The following LARGE1 variants were observed in gnomAD, a reference collection of about 807,000 sequenced individuals.
LARGE1 encodes the protein xylosyl- and glucuronyltransferase LARGE1.
Under a neutral mutation model 87.6 loss-of-function variants are expected in LARGE1, and 43 were observed. The observed-to-expected ratio is 0.49, with a 90% CI of 0.38 to 0.63. LARGE1 has a LOEUF of 0.63. Among genes scored for constraint, LARGE1 ranks in the 30% least tolerant of loss-of-function variants. The pLI, the probability that LARGE1 is intolerant of heterozygous loss-of-function variation, is 0.00. For missense variants in LARGE1, 802 were observed against 1,000.2 expected, an observed-to-expected ratio of 0.80 and a Z score of 2.67; for synonymous variants, 434 against 394.6, an observed-to-expected ratio of 1.10 and a Z score of -1.18.
In LARGE1 at chr22:33,658,285, A is replaced by T. The variant is rs191588832; in HGVS notation, c.107-7617T>A. Among the ~76,000 whole-genome samples the T allele has an allele frequency of 6.5e-4, 99 of 152,300 alleles. 1 individual carries two copies. The East Asian group carries it at 0.01, about 16-fold the overall frequency. ...TCTAGTTATCAGCATTTAAAAAAAA[A>T]TTTTAATTTAATTTTACGGTCCGGG... On this transcript the variant is annotated intron_variant, in intron 2 of 14. Coordinates refer to ENST00000397394, the MANE Select transcript of LARGE1 (RefSeq NM_133642.5).
exon 12 of LARGE1, chr22:33,163,519 C>T (rs1922109731): frequency 6.6e-6 from 1 of 152,212 alleles, no homozygotes; most frequent in Non-Finnish European, 1.5e-5. Context: ...TCTCTTTCCA[C>T]CCTTGTAGAA....
chr22:33,711,427 T>C (rs371738020), intron 2 of LARGE1, among the ~76,000 whole-genome samples: 91 of 152,276 alleles, frequency 6.0e-4, no homozygotes, highest in African/African-American at 1.9e-3. Flanking sequence ...TCCTAAAATA[T>C]TGAATAGACC....
At chr22:33,591,008 C>T (rs377055732) in intron 5 of LARGE1, among the ~76,000 whole-genome samples, 4 of 152,134 alleles carry the variant, frequency 2.6e-5, no homozygotes, top group Non-Finnish European at 4.4e-5. Flanking sequence ...TGAGATCAGC[C>T]GGGCCAATAT....
intron 1 of LARGE1, among the ~76,000 whole-genome samples, chr22:33,864,543 T>C (rs981947052): frequency 6.6e-5 from 10 of 152,178 alleles, no homozygotes; most frequent in Non-Finnish European, 1.5e-4. Context: ...CTGTACATTT[T>C]ACCAGGCAAG....
intron 4 of LARGE1, among the ~76,000 whole-genome samples, chr22:33,623,142 T>C (rs989213131): frequency 3.3e-5 from 5 of 151,856 alleles, no homozygotes; most frequent in Non-Finnish European, 7.4e-5. Context: ...GTGGGCTTTT[T>C]TTTTTTTTTT....
chr22:33,506,065 T>C (rs1362818595), intron 6 of LARGE1, among the ~76,000 whole-genome samples: 4 of 152,216 alleles, frequency 2.6e-5, no homozygotes, highest in Admixed American at 2.0e-4. Context: ...CTCACAGCCA[T>C]GAATTCTGTG....
At chr22:33,070,159 A>G in the LARGE1 span, among the ~76,000 whole-genome samples, 1 of 152,112 alleles carries the variant, frequency 6.6e-6, no homozygotes, top group African/African-American at 2.4e-5. Flanking sequence ...TTATTTCTCA[A>G]TTCCTGCAAG....
At chr22:33,149,834 A>G in the LARGE1 span, among the ~76,000 whole-genome samples, 47 of 152,260 alleles carry the variant, frequency 3.1e-4, no homozygotes, top group African/African-American at 9.9e-4. Flanking sequence ...GCTTCTTTCC[A>G]GTCTTTGCAT....
chr22:33,633,889 C>T (rs767043196), intron 3 of LARGE1, among the ~76,000 whole-genome samples: 10 of 152,144 alleles, frequency 6.6e-5, no homozygotes, highest in African/African-American at 2.2e-4. Context: ...GCAGGGGCAA[C>T]GTAGTGTGCA....
At chr22:33,282,419 C>A (rs1230188768) in intron 13 of LARGE1, among the ~76,000 whole-genome samples, 3 of 152,208 alleles carry the variant, frequency 2.0e-5, no homozygotes, top group African/African-American at 7.2e-5. Flanking sequence ...TACCAGCCCT[C>A]TCTTTAGACT....
chr22:33,629,636 G>A (rs899788888), intron 3 of LARGE1, among the ~76,000 whole-genome samples: 3 of 152,152 alleles, frequency 2.0e-5, no homozygotes, highest in East Asian at 1.9e-4. Flanking sequence ...AATGGGGAGA[G>A]TAGGGAGAAA....
chr22:33,353,672 C>T (rs1940618790), intron 9 of LARGE1, among the ~76,000 whole-genome samples: 1 of 152,056 alleles, frequency 6.6e-6, no homozygotes, highest in African/African-American at 2.4e-5. Context: ...TTTGTGAGCA[C>T]TAAAGGAAAG....
intron 13 of LARGE1, among the ~76,000 whole-genome samples, chr22:33,278,553 T>TCTCACACACACACA (rs1304691630): frequency 1.1e-4 from 16 of 148,668 alleles, no homozygotes; most frequent in African/African-American, 3.0e-4. Context: ...TCTCTCTCTC[T>TCTCACACACACACA]CACACACACA....
At chr22:33,277,302 G>A (rs1348998599) in intron 13 of LARGE1, 47 bp from the exon 14 acceptor site, 42 of 1,577,836 alleles carry the variant, frequency 2.7e-5, no homozygotes, top group Non-Finnish European at 3.6e-5. Context: ...AGGAAGCCAA[G>A]CTCTCCAAAT....
At chr22:33,144,937 G>A in the LARGE1 span, among the ~76,000 whole-genome samples, 5 of 152,108 alleles carry the variant, frequency 3.3e-5, no homozygotes, top group Admixed American at 2.0e-4. Flanking sequence ...GTTGGCATGT[G>A]TTTGAGAAAG....
chr22:33,217,253 A>C (rs1925251693), intron 11 of LARGE1, among the ~76,000 whole-genome samples: 1 of 152,088 alleles, frequency 6.6e-6, no homozygotes, highest in South Asian at 2.1e-4. Context: ...AAAAAAAAAA[A>C]ATAACGAGCA....
the LARGE1 span, among the ~76,000 whole-genome samples, chr22:33,096,706 G>GGGCGCCCGCCAC: frequency 1.3e-5 from 2 of 151,628 alleles, no homozygotes; most frequent in African/African-American, 4.8e-5. Flanking sequence ...GTGGGACTAC[G>GGGCGCCCGCCAC]GGCGCCCGCC....
chr22:33,508,921 T>C (rs1372051027), intron 6 of LARGE1, among the ~76,000 whole-genome samples: 1 of 152,154 alleles, frequency 6.6e-6, no homozygotes, highest in Non-Finnish European at 1.5e-5. Context: ...CTAGAGTCAT[T>C]AGTGCTAATT....
In LARGE1 at chr22:33,391,838, C is replaced by T. The variant is rs189113419; in HGVS notation, c.893-7534G>A. On this transcript the variant is annotated intron_variant, in intron 7 of 14. Transcript: ENST00000397394. ...AGGCAGGAGTGCAATGGCGTGATCT[C>T]GGCTCACTGCAACCTCTGCCTCCCG... 4.0e-3 allele frequency among the ~76,000 whole-genome samples: 586 copies of T among 145,010 alleles called. 2 individuals carry two copies. The highest frequency in any genetic ancestry group is 0.014 in the African/African-American group (561 of 39,276).
Sources: gnomAD v4.1 joint callset for allele counts (sites outside exome capture counted in the v4.1 genomes callset) on GRCh38, gnomAD v4.1.1 for gene constraint, MANE v1.5 for transcripts, NCBI Gene and HGNC (gene_info 2026-07-23, HGNC 2026-07-21) for gene names.